The following DOK6 variants were observed in gnomAD, a reference collection of about 807,000 sequenced individuals.
DOK6 encodes the protein downstream of tyrosine kinase 6.
A neutral mutation model predicts 44.0 loss-of-function variants in DOK6; 22 were observed. That is an observed-to-expected ratio of 0.50 (90% CI 0.36 to 0.71). DOK6 has a LOEUF of 0.71. Among genes scored for constraint, DOK6 ranks in the 30% least tolerant of loss-of-function variants. DOK6 has a pLI of 0.00. For missense variants in DOK6, 340 were observed against 416.4 expected (o/e 0.82, Z 1.60); for synonymous variants, 166 against 145.5 (o/e 1.14, Z -1.01).
intron 1 of DOK6, among the ~76,000 whole-genome samples, chr18:69,530,218 A>G (rs889518035): frequency 2.6e-5 from 4 of 152,230 alleles, no homozygotes; most frequent in Non-Finnish European, 5.9e-5. Flanking sequence ...CTGCTTTTAA[A>G]TACCACACTA....
chr18:69,641,016 G>C (rs998449298), intron 3 of DOK6, among the ~76,000 whole-genome samples: 9 of 151,982 alleles, frequency 5.9e-5, no homozygotes, highest in African/African-American at 2.2e-4. Flanking sequence ...GATCGATCGA[G>C]ACCATCCTGG....
intron 3 of DOK6, among the ~76,000 whole-genome samples, chr18:69,608,949 C>CGAAAA (rs1984068539): frequency 8.1e-6 from 1 of 124,082 alleles, no homozygotes; most frequent in Non-Finnish European, 1.6e-5. Context: ...GACTCTGTCT[C>CGAAAA]AAAAAAAAAA....
At chr18:69,545,516 C>CAAAAAAA (rs397760145) in intron 1 of DOK6, among the ~76,000 whole-genome samples, 10 of 69,556 alleles carry the variant, frequency 1.4e-4, no homozygotes, top group African/African-American at 1.9e-4. Flanking sequence ...AGTGAAATAC[C>CAAAAAAA]AAAAAAAAAA....
intron 7 of DOK6, among the ~76,000 whole-genome samples, chr18:69,833,514 G>T (rs1323476762): frequency 1.3e-5 from 2 of 152,024 alleles, no homozygotes; most frequent in Non-Finnish European, 2.9e-5. Context: ...ATTTTGGGGA[G>T]TAAGACCACA....
At chr18:69,612,756 A>G (rs936960551) in intron 3 of DOK6, among the ~76,000 whole-genome samples, 1 of 152,248 alleles carries the variant, frequency 6.6e-6, no homozygotes, top group African/African-American at 2.4e-5. Context: ...CTAGCACCAC[A>G]TGCTAATAAA....
chr18:69,502,558 A>T (rs1981075272), intron 1 of DOK6, among the ~76,000 whole-genome samples: 1 of 152,168 alleles, frequency 6.6e-6, no homozygotes, highest in Non-Finnish European at 1.5e-5. Context: ...CTGTTCTAGT[A>T]TCTTTAATTT....
chr18:69,600,215 A>G (rs375853345), intron 3 of DOK6, among the ~76,000 whole-genome samples: 1 of 152,196 alleles, frequency 6.6e-6, no homozygotes. Context: ...GAGAAATTTT[A>G]TTCAGCATTT....
At chr18:69,649,918 T>A (rs1381181481) in intron 3 of DOK6, among the ~76,000 whole-genome samples, 2 of 152,132 alleles carry the variant, frequency 1.3e-5, no homozygotes, top group African/African-American at 4.8e-5. Context: ...TAATCATGAT[T>A]TTTTAAAAAG....
At chr18:69,756,935 A>G (rs1468258589) in intron 6 of DOK6, among the ~76,000 whole-genome samples, 2 of 152,252 alleles carry the variant, frequency 1.3e-5, no homozygotes, top group Non-Finnish European at 2.9e-5. Context: ...GTTGGGTCAG[A>G]GACATGTGTG....
intron 3 of DOK6, among the ~76,000 whole-genome samples, chr18:69,617,098 A>T (rs977035194): frequency 2.0e-5 from 3 of 151,928 alleles, no homozygotes; most frequent in African/African-American, 7.3e-5. Flanking sequence ...TTGTTAAAAA[A>T]AAAATTCACT....
chr18:69,757,328 GTC>G (rs1482921302), intron 6 of DOK6, among the ~76,000 whole-genome samples: 2 of 152,282 alleles, frequency 1.3e-5, no homozygotes, highest in Middle Eastern at 3.4e-3. Context: ...CCTTTCATGG[GTC>G]TCTGCTTCTG....
chr18:69,624,613 A>T (rs1050451122), intron 3 of DOK6, among the ~76,000 whole-genome samples: 1 of 152,136 alleles, frequency 6.6e-6, no homozygotes, highest in East Asian at 1.9e-4. Context: ...TAAGCCAGAG[A>T]TGTATCATGA....
chr18:69,441,652 C>G (rs1979139819), intron 1 of DOK6, among the ~76,000 whole-genome samples: 1 of 152,130 alleles, frequency 6.6e-6, no homozygotes, highest in African/African-American at 2.4e-5. Flanking sequence ...AGAACATGCA[C>G]TGGATAATAT....
At chr18:69,617,328 A>AAAAGAAAG (rs34477258) in intron 3 of DOK6, among the ~76,000 whole-genome samples, 11,514 of 148,708 alleles carry the variant, frequency 0.077, 731 homozygotes, top group East Asian at 0.38. Context: ...AGAGAGAAAG[A>AAAAGAAAG]AAAGAAAGAA....
intron 2 of DOK6, among the ~76,000 whole-genome samples, chr18:69,585,776 G>A (rs1433253432): frequency 6.6e-6 from 1 of 152,158 alleles, no homozygotes; most frequent in Non-Finnish European, 1.5e-5. Context: ...ATTTGAACTT[G>A]AATAACATTC....
At chr18:69,506,939 A>T (rs1981206553) in intron 1 of DOK6, among the ~76,000 whole-genome samples, 2 of 151,948 alleles carry the variant, frequency 1.3e-5, no homozygotes, top group African/African-American at 4.8e-5. Context: ...AAATATATAT[A>T]TTTTTGGATT....
intron 5 of DOK6, among the ~76,000 whole-genome samples, chr18:69,735,210 T>C (rs1978563331): frequency 6.6e-6 from 1 of 152,258 alleles, no homozygotes; most frequent in South Asian, 2.1e-4. Context: ...GAGGATATTC[T>C]CTTAGATTCC....
intron 3 of DOK6, among the ~76,000 whole-genome samples, chr18:69,643,165 G>T (rs1200946654): frequency 1.3e-5 from 2 of 152,176 alleles, no homozygotes; most frequent in Non-Finnish European, 2.9e-5. Context: ...ATATGAAGTT[G>T]TAGGAAATAA....
In DOK6 at chr18:69,599,416, C is replaced by T. The variant is rs1395449525; in HGVS notation, c.207C>T (p.Thr69=). The T allele has an allele frequency of 1.2e-6, 2 of 1,613,458 alleles. No individual in the cohort carries two copies. Among genetic ancestry groups the T allele is most frequent in the Admixed American group, 3.3e-5 (2 of 59,906 alleles). ...VTELHNIKNI[T]RLPRETKKHA... ...AACTGCACAATATCAAAAATATAAC[C>T]AGACTGCCCCGAGAGACAAAGAAGC... Residue 69 remains threonine, a synonymous_variant, in exon 3 of 8, where the codon ACC becomes ACT. Coordinates refer to ENST00000382713, the MANE Select transcript of DOK6 (RefSeq NM_152721.6).
Sources: gnomAD v4.1 joint callset for allele counts (sites outside exome capture counted in the v4.1 genomes callset) on GRCh38, gnomAD v4.1.1 for gene constraint, MANE v1.5 for transcripts, NCBI Gene and HGNC (gene_info 2026-07-23, HGNC 2026-07-21) for gene names.